The following MYO10 variants were observed in gnomAD, a reference collection of about 807,000 sequenced individuals.
MYO10 encodes myosin X, also known as unconventional myosin-X.
A neutral mutation model predicts 257.3 loss-of-function variants in MYO10; 133 were observed. The observed-to-expected ratio is 0.52, with a 90% confidence interval of 0.45 to 0.60. The LOEUF (loss-of-function observed/expected upper bound fraction) is 0.60, where lower values mean the gene tolerates loss of function less well. MYO10 is among the 20% of genes least tolerant of loss of function. The probability of loss-of-function intolerance (pLI) is 0.00; values close to 1 mark genes in which losing one functional copy is unlikely to be tolerated. For missense variants in MYO10, 2,399 were observed against 2,635.7 expected (o/e 0.91, Z 1.97); for synonymous variants, 1,104 against 1,028.6 (o/e 1.07, Z -1.40).
chr5:16,673,353 C>A (rs1024475176), intron 36 of MYO10, among the ~76,000 whole-genome samples: 3 of 152,138 alleles, frequency 2.0e-5, no homozygotes, highest in Admixed American at 6.5e-5. Context: ...CAAACAAACA[C>A]TTTGTTGCAG....
intron 2 of MYO10, among the ~76,000 whole-genome samples, chr5:16,830,775 C>A (rs1743143013): frequency 6.6e-6 from 1 of 151,840 alleles, no homozygotes; most frequent in Admixed American, 6.6e-5. Flanking sequence ...ATATTTATAG[C>A]ACATTTACAA....
chr5:16,923,216 ATTAAATGACAAT>A (rs1009842911), intron 1 of MYO10, among the ~76,000 whole-genome samples: 25 of 152,166 alleles, frequency 1.6e-4, no homozygotes, highest in South Asian at 6.2e-4. Context: ...GTAAACCTGT[ATTAAATGACAAT>A]TTAAATGACA....
At position 16,670,821 on chromosome 5, in the gene MYO10, C is replaced by T. The variant is rs563993750; in HGVS notation, c.5588G>A (p.Arg1863His). 1.5e-5 allele frequency: 24 copies of T among 1,613,966 alleles called. No homozygotes were observed. Among genetic ancestry groups the T allele is most frequent in the East Asian group, 1.1e-4 (5 of 44,876 alleles). ...GAAGGTTTTGGTTGACTGGCTGATG[C>T]GGGCCTTGAGTCTCTGCAGGGAATA... is the stretch of plus-strand genomic sequence containing the variant. ...EVYSLQRLKA[R>H]ISQSTKTFTP... is the part of the protein sequence containing the mutation. Residue 1863 changes from arginine to histidine, a missense_variant, in exon 39 of 41, where the codon CGC (arginine) becomes CAC (histidine). This residue lies in a region of MYO10 where 1,820 missense variants were observed against 1,939.4 expected (regional missense o/e 0.94). Coordinates refer to ENST00000513610, the MANE Select transcript of MYO10 (RefSeq NM_012334.3).
intron 19 of MYO10, among the ~76,000 whole-genome samples, chr5:16,746,129 G>A (rs1282142495): frequency 1.3e-5 from 2 of 152,176 alleles, no homozygotes; most frequent in Non-Finnish European, 2.9e-5. Context: ...AACAAGGGGT[G>A]CATTATTCAT....
chr5:16,673,935 G>A (rs990551445), intron 35 of MYO10, 46 bp from the exon 36 acceptor site: 11 of 1,573,892 alleles, frequency 7.0e-6, no homozygotes. Context: ...GATGGGGGCT[G>A]GCTGCTGGGA....
intron 9 of MYO10, among the ~76,000 whole-genome samples, chr5:16,773,999 CTATT>C (rs1455661720): frequency 1.3e-5 from 2 of 152,182 alleles, no homozygotes; most frequent in African/African-American, 4.8e-5. Context: ...GCAAGAGTCT[CTATT>C]TATTGTTTCT....
chr5:16,924,179 T>G (rs1580156675), intron 1 of MYO10, among the ~76,000 whole-genome samples: 2 of 152,304 alleles, frequency 1.3e-5, no homozygotes, highest in East Asian at 3.9e-4. Context: ...CCCTTGAGTG[T>G]GCTTTGGCCT....
intron 2 of MYO10, among the ~76,000 whole-genome samples, chr5:16,865,758 C>T (rs1744226169): frequency 6.6e-6 from 1 of 151,386 alleles, no homozygotes. Context: ...TTGCAGTGAG[C>T]CAAGATCGCA....
chr5:16,872,709 G>A (rs747532327), intron 2 of MYO10, among the ~76,000 whole-genome samples: 4 of 152,140 alleles, frequency 2.6e-5, no homozygotes, highest in Non-Finnish European at 5.9e-5. Flanking sequence ...GTTCCACATG[G>A]CTCCTCAGAA....
intron 27 of MYO10, among the ~76,000 whole-genome samples, chr5:16,690,908 G>C (rs904555464): frequency 1.3e-5 from 2 of 152,086 alleles, no homozygotes; most frequent in Admixed American, 6.6e-5. Context: ...GATCAGACCA[G>C]AGATAGTAAT....
chr5:16,850,166 G>A (rs1439724701), intron 2 of MYO10, among the ~76,000 whole-genome samples: 1 of 152,088 alleles, frequency 6.6e-6, no homozygotes, highest in Non-Finnish European at 1.5e-5. Flanking sequence ...GAGATATTAG[G>A]GAAAATGTCT....
intron 1 of MYO10, among the ~76,000 whole-genome samples, chr5:16,884,655 G>A (rs550055465): frequency 4.7e-5 from 6 of 126,878 alleles, no homozygotes; most frequent in South Asian, 4.6e-4. Flanking sequence ...TCCTGTTTTC[G>A]TCTTTTTTTT....
rs763151677 is a variant in MYO10, at chr5:16,672,735, T to C, written c.5263A>G (p.Ile1755Val). ...FEYNGHVDKA[I>V]ESRTVVADVL... ...TCAGCTACGACGGTTCGACTTTCAA[T>C]GGCTTTGTCGACGTGGCCGTTGTAT... Residue 1755 changes from isoleucine to valine, a missense_variant, in exon 37 of 41, where the codon ATT becomes GTT. Transcript: ENST00000513610. 8 of 1,613,928 alleles carry C rather than the reference T, an allele frequency of 5.0e-6. No individual in the cohort carries two copies. The South Asian group carries it at 5.5e-5, about 11-fold the overall frequency.
intron 19 of MYO10, among the ~76,000 whole-genome samples, chr5:16,735,221 A>G (rs1212352364): frequency 6.6e-6 from 1 of 152,238 alleles, no homozygotes; most frequent in African/African-American, 2.4e-5. Flanking sequence ...GCAAACAGCA[A>G]CAAATCAACT....
intron 1 of MYO10, among the ~76,000 whole-genome samples, chr5:16,920,199 G>A (rs865984632): frequency 6.6e-5 from 10 of 151,586 alleles, no homozygotes; most frequent in Middle Eastern, 3.2e-3. Context: ...ACTTGAACCC[G>A]GGAGGCAGAG....
At chr5:16,877,212 A>C (rs1394747070) in intron 2 of MYO10, among the ~76,000 whole-genome samples, 3 of 152,230 alleles carry the variant, frequency 2.0e-5, no homozygotes, top group African/African-American at 7.2e-5. Context: ...AGACACTACG[A>C]AAGTTTAAGA....
In MYO10 at chr5:16,780,468, T is replaced by C. The variant is rs28404848; in HGVS notation, c.826+56A>G. ...AGATGTTCTCTCATTTACTGACATC[T>C]ATTTAAATGGAAAATGAGTTGCTAG... On this transcript the variant is annotated intron_variant, in intron 8 of 40. Transcript: ENST00000513610. The C allele has an allele frequency of 3.6e-3, 5,011 of 1,407,180 alleles. 127 individuals are homozygous for C. In the African/African-American group the frequency reaches 0.062, roughly 17 times the overall value. The allele number at this position is 1,407,180 out of a possible 1,614,324, so 87.2% of individuals were successfully genotyped here. A position where few individuals can be genotyped will look rare whatever the true frequency, so the allele number is the denominator to read the frequency against.
chr5:16,802,821 T>C (rs1742160179), intron 3 of MYO10, among the ~76,000 whole-genome samples: 1 of 151,880 alleles, frequency 6.6e-6, no homozygotes, highest in African/African-American at 2.4e-5. Context: ...TAACTTTAAA[T>C]AAAAAGTTTT....
chr5:16,845,972 AGAAAAG>A (rs1442892742), intron 2 of MYO10, among the ~76,000 whole-genome samples: 1 of 152,088 alleles, frequency 6.6e-6, no homozygotes, highest in African/African-American at 2.4e-5. Context: ...CAAAAAAAAA[AGAAAAG>A]GAAAAGAATG....
Sources: gnomAD v4.1 joint callset for allele counts (sites outside exome capture counted in the v4.1 genomes callset) on GRCh38, gnomAD v4.1.1 for gene constraint, gnomAD v4.1.1 regional missense constraint, MANE v1.5 for transcripts, NCBI Gene and HGNC (gene_info 2026-07-23, HGNC 2026-07-21) for gene names.